FNBP1L: variants seen among roughly 807,000 people sequenced by gnomAD.
The protein encoded by FNBP1L is formin-binding protein 1-like.
In FNBP1L, 36 loss-of-function variants were observed where a neutral mutation model predicts 91.2. That is an observed-to-expected ratio of 0.39 (90% CI 0.30 to 0.52). The LOEUF is 0.52. Among genes scored for constraint, FNBP1L ranks in the 20% least tolerant of loss-of-function variants. The pLI, the probability that FNBP1L is intolerant of heterozygous loss-of-function variation, is 0.66. For synonymous variants in FNBP1L, 242 were observed against 237.0 expected, an observed-to-expected ratio of 1.02 and a Z score of -0.19; for missense variants, 571 against 732.1, an observed-to-expected ratio of 0.78 and a Z score of 2.54.
At chr1:93,503,547 G>A (rs1315039034) in intron 2 of FNBP1L, among the ~76,000 whole-genome samples, 1 of 152,032 alleles carries the variant, frequency 6.6e-6, no homozygotes, top group Non-Finnish European at 1.5e-5. Context: ...CTGTTGTTGT[G>A]TTTTGATGGT....
At chr1:93,456,527 T>C (rs1668666466) in intron 1 of FNBP1L, among the ~76,000 whole-genome samples, 1 of 144,870 alleles carries the variant, frequency 6.9e-6, no homozygotes, top group Non-Finnish European at 1.5e-5. Context: ...TCCAGCACTT[T>C]GGGAGACCAG....
chr1:93,451,301 A>G (rs12401964), intron 1 of FNBP1L, among the ~76,000 whole-genome samples: 3 of 152,218 alleles, frequency 2.0e-5, no homozygotes, highest in Admixed American at 2.0e-4. Context: ...AGAGATTGGA[A>G]AAGACCTATG....
chr1:93,537,405 C>A (rs937525964), intron 10 of FNBP1L, among the ~76,000 whole-genome samples: 2 of 151,914 alleles, frequency 1.3e-5, no homozygotes, highest in African/African-American at 4.8e-5. Flanking sequence ...TCTCTTCTTA[C>A]CCCTCCTTCC....
intron 2 of FNBP1L, among the ~76,000 whole-genome samples, chr1:93,520,122 C>G (rs531651072): frequency 3.1e-4 from 47 of 152,268 alleles, no homozygotes; most frequent in Non-Finnish European, 5.4e-4. Context: ...CAGTATATTA[C>G]AATTATTGGT....
chr1:93,488,613 T>A (rs938936157), intron 1 of FNBP1L, among the ~76,000 whole-genome samples: 4 of 152,190 alleles, frequency 2.6e-5, no homozygotes, highest in African/African-American at 7.2e-5. Context: ...TAAACTGGCA[T>A]TCTGGCGCTC....
At chr1:93,539,840 A>G (rs372365266) in intron 10 of FNBP1L, among the ~76,000 whole-genome samples, 1 of 152,308 alleles carries the variant, frequency 6.6e-6, no homozygotes, top group East Asian at 1.9e-4. Flanking sequence ...ATGCATAAGC[A>G]GTGACCAACT....
At chr1:93,506,667 T>C (rs1670626997) in intron 2 of FNBP1L, among the ~76,000 whole-genome samples, 1 of 152,164 alleles carries the variant, frequency 6.6e-6, no homozygotes, top group Non-Finnish European at 1.5e-5. Flanking sequence ...TCTCAAATAT[T>C]GAAAGGTTGA....
chr1:93,486,300 T>C (rs1669900008), intron 1 of FNBP1L, among the ~76,000 whole-genome samples: 1 of 152,168 alleles, frequency 6.6e-6, no homozygotes, highest in Admixed American at 6.5e-5. Flanking sequence ...TATTTTGGAA[T>C]TAAAAAAAAT....
At chr1:93,530,091 A>G (rs1398469442) in intron 6 of FNBP1L, among the ~76,000 whole-genome samples, 1 of 152,090 alleles carries the variant, frequency 6.6e-6, no homozygotes, top group Non-Finnish European at 1.5e-5. Flanking sequence ...TTGTAATTTG[A>G]CTTTGTACAA....
chr1:93,552,042 G>C (rs1570882793), intron 16 of FNBP1L: 1 of 1,028,456 alleles, frequency 9.7e-7, no homozygotes, highest in East Asian at 8.2e-5. Context: ...TGACTATCTG[G>C]GTTAGAGGAA....
rs139432067 is a variant in FNBP1L at position 93,481,301 on chromosome 1, A to G, written c.25-18167A>G. Among the ~76,000 whole-genome samples, 810 of 152,260 alleles carry G rather than the reference A, an allele frequency of 5.3e-3. 6 individuals carry two copies. Among genetic ancestry groups the G allele is most frequent in the Non-Finnish European group, 6.6e-3 (449 of 68,012 alleles). ...GCCATTTGTTGCATACTATTCCTTC[A>G]ATATTTTAGTGAAAGCACACTTCAT... On this transcript the variant is annotated intron_variant, in intron 1 of 16. Coordinates refer to ENST00000271234, the MANE Select transcript of FNBP1L (RefSeq NM_001164473.3).
chr1:93,473,876 C>T (rs917057436), intron 1 of FNBP1L, among the ~76,000 whole-genome samples: 3 of 152,070 alleles, frequency 2.0e-5, no homozygotes, highest in African/African-American at 7.2e-5. Context: ...GTTACTAGCC[C>T]CCTAAGCAGT....
At chr1:93,515,488 C>T (rs577091320) in intron 2 of FNBP1L, among the ~76,000 whole-genome samples, 232 of 152,178 alleles carry the variant, frequency 1.5e-3, no homozygotes, top group Non-Finnish European at 2.6e-3. Context: ...CGGCATTATT[C>T]GCAATAGCAA....
rs915231841 is a variant in FNBP1L at position 93,554,554 on chromosome 1, CTT to C, written c.*2142_*2143del. On this transcript the variant is annotated 3_prime_UTR_variant, in exon 17 of 17. Coordinates refer to ENST00000271234, the MANE Select transcript of FNBP1L (RefSeq NM_001164473.3). ...CTTTAATTTTTTGGTAATTTTTACT[CTT>C]TTTGTGCACATGTTGATTTCTTAAT... The C allele has an allele frequency of 6.6e-6, 1 of 152,526 alleles. No individual in the cohort carries two copies. Among genetic ancestry groups the C allele is most frequent in the African/African-American group, 2.4e-5 (1 of 41,418 alleles). 9.4% of individuals were successfully genotyped at this position (152,526 alleles called of 1,614,324 possible).
At chr1:93,497,783 C>T (rs1670315912) in intron 1 of FNBP1L, among the ~76,000 whole-genome samples, 1 of 152,002 alleles carries the variant, frequency 6.6e-6, no homozygotes, top group Admixed American at 6.5e-5. Context: ...CCACGCCTGG[C>T]CAATTTTTGT....
At chr1:93,526,987 A>G (rs1421582142) in intron 5 of FNBP1L, among the ~76,000 whole-genome samples, 2 of 152,212 alleles carry the variant, frequency 1.3e-5, no homozygotes, top group Admixed American at 1.3e-4. Flanking sequence ...TAATTTTCAT[A>G]GCAAAGTGAT....
chr1:93,449,781 A>G (rs564968136), intron 1 of FNBP1L, among the ~76,000 whole-genome samples: 6 of 152,278 alleles, frequency 3.9e-5, no homozygotes, highest in Admixed American at 3.3e-4. Flanking sequence ...ATTCTTTTAC[A>G]TTGGTTAGTT....
intron 2 of FNBP1L, among the ~76,000 whole-genome samples, chr1:93,517,396 A>G (rs1162430234): frequency 6.6e-6 from 1 of 151,958 alleles, no homozygotes; most frequent in Non-Finnish European, 1.5e-5. Flanking sequence ...CAACGATCAT[A>G]GCTCACTGCA....
chr1:93,552,016 T>C, intron 16 of FNBP1L: 1 of 1,004,898 alleles, frequency 1.0e-6, no homozygotes, highest in Non-Finnish European at 1.2e-6. Flanking sequence ...TTTTAATTTT[T>C]AAAGGAGAAA....
Sources: gnomAD v4.1 joint callset for allele counts (sites outside exome capture counted in the v4.1 genomes callset) on GRCh38, gnomAD v4.1.1 for gene constraint, MANE v1.5 for transcripts, NCBI Gene and HGNC (gene_info 2026-07-23, HGNC 2026-07-21) for gene names.